The following THSD7A variants were observed in gnomAD, a reference collection of about 807,000 sequenced individuals.
The protein encoded by THSD7A is thrombospondin type-1 domain-containing protein 7A.
A neutral mutation model predicts 231.3 loss-of-function variants in THSD7A; 96 were observed. That is an observed-to-expected ratio of 0.41 (90% CI 0.35 to 0.49). The LOEUF (loss-of-function observed/expected upper bound fraction) is 0.49, where lower values mean the gene tolerates loss of function less well. Ranked by LOEUF, THSD7A falls within the 20% of genes least tolerant of loss-of-function variation. The pLI is 0.05. For synonymous variants in THSD7A, 940 were observed against 743.3 expected, an observed-to-expected ratio of 1.26 and a Z score of -4.30; for missense variants, 2,290 against 2,070.2, an observed-to-expected ratio of 1.11 and a Z score of -2.06.
At position 11,484,001 on chromosome 7, in the gene THSD7A, T is replaced by C. The variant is rs1041407816; in HGVS notation, c.1823-2019A>G. Among the ~76,000 whole-genome samples the C allele has an allele frequency of 2.7e-4, 41 of 152,096 alleles. 1 individual carries two copies. Among genetic ancestry groups the C allele is most frequent in the Admixed American group, 2.6e-3 (40 of 15,262 alleles). On this transcript the variant is annotated intron_variant, in intron 6 of 27. Coordinates refer to ENST00000423059, the MANE Select transcript of THSD7A (RefSeq NM_015204.3). Reference sequence around the variant, plus strand: ...ACCTTTCTTCTAAGTTATGCTTTTTTCCGCACTCCCCCTGCCCCCCATCCG... The same window carrying C: ...ACCTTTCTTCTAAGTTATGCTTTTTCCCGCACTCCCCCTGCCCCCCATCCG...
At chr7:11,688,956 G>A (rs551277059) in intron 1 of THSD7A, among the ~76,000 whole-genome samples, 1 of 151,844 alleles carries the variant, frequency 6.6e-6, no homozygotes, top group South Asian at 2.1e-4. Context: ...CAGATAGAAT[G>A]CAAAGAAAAA....
chr7:11,819,127 G>T (rs2128186472), intron 1 of THSD7A, among the ~76,000 whole-genome samples: 1 of 152,200 alleles, frequency 6.6e-6, no homozygotes, highest in Non-Finnish European at 1.5e-5. Context: ...ACTGCAAATT[G>T]AAACAAGATA....
chr7:11,521,345 C>G (rs941777762), intron 6 of THSD7A, among the ~76,000 whole-genome samples: 9 of 152,048 alleles, frequency 5.9e-5, no homozygotes, highest in Admixed American at 1.3e-4. Flanking sequence ...TTACAAAGAA[C>G]TTTGTGACCA....
At chr7:11,785,692 A>G (rs1374103301) in intron 1 of THSD7A, among the ~76,000 whole-genome samples, 1 of 152,094 alleles carries the variant, frequency 6.6e-6, no homozygotes, top group Non-Finnish European at 1.5e-5. Flanking sequence ...TATTAAAATA[A>G]TGTTCTAATA....
chr7:11,376,512 G>A (rs1782280343), intron 27 of THSD7A, 58 bp downstream of exon 27: 1 of 1,280,822 alleles, frequency 7.8e-7, no homozygotes, highest in South Asian at 1.4e-5. Context: ...ACATTAGTTT[G>A]CTGTTTCTGT....
chr7:11,478,385 C>G (rs769121269), intron 7 of THSD7A, among the ~76,000 whole-genome samples: 1 of 152,178 alleles, frequency 6.6e-6, no homozygotes, highest in African/African-American at 2.4e-5. Context: ...ACCCTGCTCA[C>G]TGGCTCTGAA....
chr7:11,430,335 A>G (rs1784442378), intron 13 of THSD7A, among the ~76,000 whole-genome samples: 1 of 152,148 alleles, frequency 6.6e-6, no homozygotes, highest in Non-Finnish European at 1.5e-5. Flanking sequence ...AATAAACCCT[A>G]TGGTTACTGG....
At chr7:11,691,477 G>A (rs1348909323) in intron 1 of THSD7A, among the ~76,000 whole-genome samples, 1 of 151,270 alleles carries the variant, frequency 6.6e-6, no homozygotes, top group African/African-American at 2.4e-5. Flanking sequence ...GGAAAAAAGA[G>A]GGCTACCTTC....
At chr7:11,399,737 G>A (rs755380362) in intron 23 of THSD7A, among the ~76,000 whole-genome samples, 25 of 152,164 alleles carry the variant, frequency 1.6e-4, no homozygotes, top group Non-Finnish European at 2.8e-4. Flanking sequence ...TTCAGCTATC[G>A]TGGAAGACAG....
At chr7:11,422,252 C>A (rs556109058) in intron 16 of THSD7A, among the ~76,000 whole-genome samples, 11 of 152,262 alleles carry the variant, frequency 7.2e-5, no homozygotes, top group Admixed American at 5.2e-4. Context: ...CCAAGGTAAA[C>A]CACTTCTACC....
intron 4 of THSD7A, among the ~76,000 whole-genome samples, chr7:11,574,806 T>C (rs1790816589): frequency 6.6e-6 from 1 of 152,298 alleles, no homozygotes; most frequent in East Asian, 1.9e-4. Flanking sequence ...TAATAGACCA[T>C]TAGCTATAAG....
chr7:11,468,285 A>G lies in THSD7A; in HGVS notation c.2368+1594T>C, dbSNP rs559808167. Reference sequence around the variant, plus strand: ...TAATTAATGCTTTTTAATTGAATTAATTAATAACCAACAATTACCACCTAT... The same window carrying G: ...TAATTAATGCTTTTTAATTGAATTAGTTAATAACCAACAATTACCACCTAT... On this transcript the variant is annotated intron_variant, in intron 9 of 27. Transcript: ENST00000423059. 7.4e-4 allele frequency among the ~76,000 whole-genome samples: 113 copies of G among 152,230 alleles called. 2 individuals are homozygous for G. The highest frequency in any genetic ancestry group is 2.6e-3 in the African/African-American group (107 of 41,556).
chr7:11,728,269 A>G (rs1781611964), intron 1 of THSD7A, among the ~76,000 whole-genome samples: 2 of 151,974 alleles, frequency 1.3e-5, no homozygotes, highest in Admixed American at 1.3e-4. Context: ...TTTGGTATAT[A>G]TACTATTCTG....
rs563378789 is a variant in THSD7A, at chr7:11,444,822, A to G, written c.3064+1239T>C. Reference sequence around the variant, plus strand: ...GTGTGTGTGTGTATAAACTATATATATAATTAAACTATATATATAATTAAA... The same window carrying G: ...GTGTGTGTGTGTATAAACTATATATGTAATTAAACTATATATATAATTAAA... On this transcript the variant is annotated intron_variant, in intron 13 of 27. Coordinates refer to ENST00000423059, the MANE Select transcript of THSD7A (RefSeq NM_015204.3). This position sits in a 1 kb window ranked among gnomAD's most constrained non-coding sequence, Gnocchi z 4.2. Among the ~76,000 whole-genome samples the G allele has an allele frequency of 1.4e-3, 212 of 147,920 alleles. 1 individual carries two copies. The highest frequency in any genetic ancestry group is 4.9e-3 in the African/African-American group (200 of 40,690).
At chr7:11,587,602 T>C (rs1350898529) in intron 4 of THSD7A, among the ~76,000 whole-genome samples, 1 of 152,232 alleles carries the variant, frequency 6.6e-6, no homozygotes, top group African/African-American at 2.4e-5. Context: ...GTGAATATTT[T>C]ACTAAAGACC....
intron 4 of THSD7A, among the ~76,000 whole-genome samples, chr7:11,562,470 C>T (rs1216221157): frequency 6.6e-6 from 1 of 152,108 alleles, no homozygotes; most frequent in Non-Finnish European, 1.5e-5. Context: ...CACTCAAAAC[C>T]TCCTGATACG....
chr7:11,421,868 A>G (rs1784155930), intron 16 of THSD7A, among the ~76,000 whole-genome samples: 1 of 152,214 alleles, frequency 6.6e-6, no homozygotes, highest in Non-Finnish European at 1.5e-5. Context: ...TGGCATTTAT[A>G]CTTACAGGCT....
intron 2 of THSD7A, among the ~76,000 whole-genome samples, chr7:11,620,241 G>A (rs1381187345): frequency 6.6e-6 from 1 of 152,014 alleles, no homozygotes; most frequent in East Asian, 1.9e-4. Flanking sequence ...TTTTTTGTAA[G>A]TCTAAAGTAT....
At chr7:11,713,097 A>G (rs983541887) in intron 1 of THSD7A, among the ~76,000 whole-genome samples, 2 of 151,130 alleles carry the variant, frequency 1.3e-5, no homozygotes, top group African/African-American at 2.4e-5. Flanking sequence ...CAAACACAGG[A>G]TGCCTTGATC....
Sources: allele counts gnomAD v4.1 joint callset (sites outside exome capture counted in the v4.1 genomes callset), GRCh38; gene constraint gnomAD v4.1.1; non-coding constraint Gnocchi (gnomAD v3.1); transcripts MANE v1.5; gene names NCBI Gene and HGNC (gene_info 2026-07-23, HGNC 2026-07-21).